The following HS2ST1 variants were observed in gnomAD, a reference collection of about 807,000 sequenced individuals.
The protein encoded by HS2ST1 is 2-O-sulfotransferase.
In HS2ST1, 18 loss-of-function variants were observed where a neutral mutation model predicts 42.9. The ratio of observed to expected loss-of-function variants is 0.42; its 90% CI spans 0.29 to 0.62. The LOEUF (loss-of-function observed/expected upper bound fraction) is 0.62, where lower values mean the gene tolerates loss of function less well. Among genes scored for constraint, HS2ST1 ranks in the 20% least tolerant of loss-of-function variants. The pLI is 0.21. For synonymous variants in HS2ST1, 146 were observed against 152.9 expected (o/e 0.95, Z 0.33); for missense variants, 334 against 433.8 (o/e 0.77, Z 2.04).
At chr1:87,006,759 A>G (rs1045522494) in intron 1 of HS2ST1, among the ~76,000 whole-genome samples, 1 of 152,108 alleles carries the variant, frequency 6.6e-6, no homozygotes, top group African/African-American at 2.4e-5. Flanking sequence ...TAAACATGCT[A>G]TGATTAATCT....
chr1:87,064,513 AGTTTTAATG>A (rs1380585908), intron 1 of HS2ST1: 1 of 518,678 alleles, frequency 1.9e-6, no homozygotes, highest in Non-Finnish European at 3.9e-6. Flanking sequence ...ATAACTTGTA[AGTTTTAATG>A]GTACCATATG....
intron 4 of HS2ST1, among the ~76,000 whole-genome samples, chr1:87,096,604 A>G (rs986283356): frequency 2.0e-5 from 3 of 152,184 alleles, no homozygotes; most frequent in Admixed American, 6.5e-5. Flanking sequence ...GGGCCAGATA[A>G]TTCTTTGTTG....
intron 5 of HS2ST1, among the ~76,000 whole-genome samples, chr1:87,101,997 C>T (rs943719599): frequency 5.3e-5 from 8 of 152,110 alleles, no homozygotes; most frequent in African/African-American, 1.9e-4. Context: ...CGAGCAGGCA[C>T]ATCATATGGC....
chr1:87,104,899 C>T lies in HS2ST1; in HGVS notation c.*203C>T, dbSNP rs1428670848. The T allele has an allele frequency of 2.0e-6, 1 of 503,712 alleles. No individual in the cohort carries two copies. The highest frequency in any genetic ancestry group is 1.9e-5 in the African/African-American group (1 of 51,698). The allele number at this position is 503,712 out of a possible 1,614,324, so 31.2% of individuals were successfully genotyped here. The stretch of plus-strand genomic sequence containing the variant: ...TAAGTTTCAGGCATTTTTATTTTTC[C>T]TGGCTAAACGTTGGTGAAAGTTATA... On this transcript the variant is annotated 3_prime_UTR_variant, in exon 7 of 7. Transcript: ENST00000370550.
chr1:87,046,106 A>T (rs111891681), intron 1 of HS2ST1: 2 of 677,228 alleles, frequency 3.0e-6, no homozygotes, highest in African/African-American at 1.8e-5. Flanking sequence ...CATATTTTTG[A>T]CAGTTTATAT....
intron 1 of HS2ST1, among the ~76,000 whole-genome samples, chr1:87,051,711 A>G (rs1469331985): frequency 6.6e-6 from 1 of 152,194 alleles, no homozygotes; most frequent in Middle Eastern, 3.2e-3. Context: ...GAGAATATCA[A>G]TTATCATTGC....
rs1002380730 is a variant in HS2ST1 at position 87,045,078 on chromosome 1, G to A, written c.125-27856G>A. ...ATTCTTTGAAGAATCTTCTTCATCC[G>A]AATCAACTGTGAGAACATCATCTTG... On this transcript the variant is annotated intron_variant, in intron 1 of 6. Coordinates refer to ENST00000370550, the MANE Select transcript of HS2ST1 (RefSeq NM_012262.4). The A allele has an allele frequency of 2.9e-5, 30 of 1,028,296 alleles. No individual in the cohort carries two copies. In the East Asian group the frequency reaches 4.4e-4, roughly 15 times the overall value. The allele number at this position is 1,028,296 out of a possible 1,614,324, so 63.7% of individuals were successfully genotyped here.
At chr1:87,043,050 C>T (rs1466926842) in intron 1 of HS2ST1, among the ~76,000 whole-genome samples, 15 of 152,014 alleles carry the variant, frequency 9.9e-5, no homozygotes, top group Admixed American at 9.8e-4. Flanking sequence ...TAGATTTTGC[C>T]AGAGAAATAA....
chr1:87,001,672 G>A (rs1175651482), intron 1 of HS2ST1, among the ~76,000 whole-genome samples: 2 of 152,186 alleles, frequency 1.3e-5, no homozygotes, highest in African/African-American at 4.8e-5. Flanking sequence ...GGAGTGCAAT[G>A]GCACGATCTT....
At chr1:87,080,981 ATAAAGG>A (rs1651672224) in intron 2 of HS2ST1, among the ~76,000 whole-genome samples, 1 of 152,226 alleles carries the variant, frequency 6.6e-6, no homozygotes, top group African/African-American at 2.4e-5. Flanking sequence ...CTAAATAATG[ATAAAGG>A]AGTCAATTCA....
At chr1:87,071,513 G>A (rs1324012058) in intron 1 of HS2ST1, among the ~76,000 whole-genome samples, 1 of 151,974 alleles carries the variant, frequency 6.6e-6, no homozygotes, top group Non-Finnish European at 1.5e-5. Context: ...GGTGGATCAC[G>A]AGGTCAGGAG....
intron 1 of HS2ST1, among the ~76,000 whole-genome samples, chr1:86,990,923 G>A (rs1377656648): frequency 6.3e-5 from 9 of 143,688 alleles, no homozygotes; most frequent in South Asian, 2.3e-4. Context: ...CAGGGGATCC[G>A]CCTGCCTGGG....
At chr1:87,059,437 T>C (rs959171675) in intron 1 of HS2ST1, among the ~76,000 whole-genome samples, 10 of 152,198 alleles carry the variant, frequency 6.6e-5, no homozygotes, top group Admixed American at 1.3e-4. Context: ...TTGTTCAATT[T>C]TGTACAAGAT....
intron 2 of HS2ST1, among the ~76,000 whole-genome samples, chr1:87,079,277 A>G (rs1344655310): frequency 6.6e-6 from 1 of 152,040 alleles, no homozygotes; most frequent in Admixed American, 6.6e-5. Context: ...AGCTAGGATT[A>G]CAGGCATGAG....
At chr1:86,998,136 A>C (rs957776954) in intron 1 of HS2ST1, among the ~76,000 whole-genome samples, 1 of 152,168 alleles carries the variant, frequency 6.6e-6, no homozygotes, top group African/African-American at 2.4e-5. Context: ...TAATTCTTTA[A>C]GTCATCTTTG....
chr1:87,069,592 A>G lies in HS2ST1; in HGVS notation c.125-3342A>G, dbSNP rs1651349498. Among the ~76,000 whole-genome samples the G allele has an allele frequency of 2.0e-5, 3 of 152,212 alleles. No individual in the cohort carries two copies. The South Asian group carries it at 6.2e-4, about 32-fold the overall frequency. On this transcript the variant is annotated intron_variant, in intron 1 of 6. Coordinates refer to ENST00000370550, the MANE Select transcript of HS2ST1 (RefSeq NM_012262.4). ...AACTGAGATGTGATTTAATATTACT[A>G]ACAAAATTGTTCTTAATTTTCCATA...
chr1:87,015,911 G>T (rs1570487082), intron 1 of HS2ST1, among the ~76,000 whole-genome samples: 1 of 151,008 alleles, frequency 6.6e-6, no homozygotes, highest in East Asian at 2.0e-4. Context: ...CCAACTCCTG[G>T]GTTTAATCGA....
At chr1:87,017,157 G>A (rs983366758) in intron 1 of HS2ST1, among the ~76,000 whole-genome samples, 5 of 151,566 alleles carry the variant, frequency 3.3e-5, no homozygotes, top group Non-Finnish European at 5.9e-5. Flanking sequence ...TCTTTTTTGC[G>A]ACGGAATCTC....
chr1:87,082,070 AC>A (rs1651705882), intron 2 of HS2ST1, among the ~76,000 whole-genome samples: 8 of 152,178 alleles, frequency 5.3e-5, no homozygotes, highest in Non-Finnish European at 1.0e-4. Context: ...GGGAGACCTT[AC>A]AACTAATACC....
Sources: gnomAD v4.1 joint callset for allele counts (sites outside exome capture counted in the v4.1 genomes callset) on GRCh38, gnomAD v4.1.1 for gene constraint, MANE v1.5 for transcripts, NCBI Gene and HGNC (gene_info 2026-07-23, HGNC 2026-07-21) for gene names.